The following CPNE5 variants were observed in gnomAD, a reference collection of about 807,000 sequenced individuals.
CPNE5 encodes the protein copine 5, also known as copine-5.
CPNE5 carries 42 observed loss-of-function variants against 81.1 expected under a neutral mutation model. That is an observed-to-expected ratio of 0.52 (90% confidence interval 0.40 to 0.67). CPNE5 has a LOEUF of 0.67. CPNE5 is among the 30% of genes least tolerant of loss of function. CPNE5 has a pLI of 0.00. For missense variants in CPNE5, 612 were observed against 815.5 expected (o/e 0.75, Z 3.04); for synonymous variants, 313 against 321.5 (o/e 0.97, Z 0.28).
At chr6:36,808,195 A>T (rs975327007) in intron 3 of CPNE5, among the ~76,000 whole-genome samples, 73 of 151,736 alleles carry the variant, frequency 4.8e-4, no homozygotes, top group African/African-American at 1.5e-3. Context: ...TGTTCAAGTG[A>T]TTCTCCCGCC....
At chr6:36,778,006 C>A (rs936961342) in intron 9 of CPNE5, among the ~76,000 whole-genome samples, 1 of 152,158 alleles carries the variant, frequency 6.6e-6, no homozygotes, top group East Asian at 1.9e-4. Flanking sequence ...ACCTCCCTGG[C>A]CCCATCGCTT....
upstream of CPNE5, chr6:36,839,467 C>T: frequency 9.1e-7 from 1 of 1,100,750 alleles, no homozygotes; most frequent in Non-Finnish European, 1.3e-6. The surrounding 1 kb of genome is among the most constrained non-coding windows in gnomAD (Gnocchi z 7.3). Flanking sequence ...TCTCCCCCAA[C>T]TCCAGAGCCT....
chr6:36,809,373 C>G (rs762791536), intron 3 of CPNE5, among the ~76,000 whole-genome samples: 4 of 151,940 alleles, frequency 2.6e-5, no homozygotes, highest in Non-Finnish European at 4.4e-5. Flanking sequence ...CCTAGGAGTT[C>G]GAGACCAACC....
intron 3 of CPNE5, among the ~76,000 whole-genome samples, chr6:36,801,706 T>C (rs1439641043): frequency 1.3e-5 from 2 of 152,136 alleles, no homozygotes; most frequent in Admixed American, 1.3e-4. Flanking sequence ...CCAGTCACAG[T>C]AGGACAAATA....
At chr6:36,829,965 CA>C (rs1319389405) in intron 1 of CPNE5, among the ~76,000 whole-genome samples, 1 of 151,522 alleles carries the variant, frequency 6.6e-6, no homozygotes, top group Non-Finnish European at 1.5e-5. Context: ...AAACATCTGG[CA>C]AATGGAGTGG....
chr6:36,742,212 C>T lies in CPNE5; in HGVS notation c.*56G>A, dbSNP rs888103042. On this transcript the variant is annotated 3_prime_UTR_variant, in exon 21 of 21. Coordinates refer to ENST00000244751, the MANE Select transcript of CPNE5 (RefSeq NM_020939.2). The stretch of plus-strand genomic sequence containing the variant: ...AACTTCGGGGAGTCTGGGGCCCTGG[C>T]CTCCCATTCACCTGGCCTCTCCCAG... 14 of 1,370,902 alleles carry T rather than the reference C, an allele frequency of 1.0e-5. No individual in the cohort carries two copies. The African/African-American group carries it at 1.9e-4, about 18-fold the overall frequency. 84.9% of individuals were successfully genotyped at this position (1,370,902 alleles called of 1,614,324 possible).
chr6:36,788,450 A>G (rs187998329), intron 8 of CPNE5, among the ~76,000 whole-genome samples: 1 of 152,148 alleles, frequency 6.6e-6, no homozygotes, highest in Non-Finnish European at 1.5e-5. Flanking sequence ...GGTGAGGGAA[A>G]GACTGAGGAT....
chr6:36,794,940 C>T (rs1769437013), intron 6 of CPNE5, among the ~76,000 whole-genome samples: 1 of 152,150 alleles, frequency 6.6e-6, no homozygotes, highest in Non-Finnish European at 1.5e-5. Flanking sequence ...GGATCAGGAA[C>T]TCTGCGGGGT....
chr6:36,785,645 T>G (rs1001886313), intron 8 of CPNE5, among the ~76,000 whole-genome samples: 8 of 152,050 alleles, frequency 5.3e-5, no homozygotes, highest in African/African-American at 1.9e-4. Flanking sequence ...AAGGCAGTAG[T>G]ATGGTTTGAG....
At chr6:36,748,971 C>G (rs2150368268) in intron 14 of CPNE5, among the ~76,000 whole-genome samples, 1 of 152,322 alleles carries the variant, frequency 6.6e-6, no homozygotes, top group South Asian at 2.1e-4. Flanking sequence ...AGGTCTCGCT[C>G]TGTCACCCAG....
In CPNE5 at chr6:36,741,921, G is replaced by A. The variant is rs564354854; in HGVS notation, c.*347C>T. Reference sequence around the variant, plus strand: ...GAGGAGGCCAAGCCCAGGCTTCAGGGTGACAGGTAAGCAAATAGGATTGCC... The same window carrying A: ...GAGGAGGCCAAGCCCAGGCTTCAGGATGACAGGTAAGCAAATAGGATTGCC... On this transcript the variant is annotated 3_prime_UTR_variant, in exon 21 of 21. Transcript: ENST00000244751. 3.1e-5 allele frequency: 8 copies of A among 259,602 alleles called. No homozygotes were observed. The highest frequency in any genetic ancestry group is 1.0e-4 in the Admixed American group (2 of 19,896). The allele number at this position is 259,602 out of a possible 1,614,324, so 16.1% of individuals were successfully genotyped here. A position where few individuals can be genotyped will look rare whatever the true frequency, so the allele number is the denominator to read the frequency against.
intron 11 of CPNE5, among the ~76,000 whole-genome samples, chr6:36,763,929 G>A (rs565589914): frequency 6.6e-6 from 1 of 152,310 alleles, no homozygotes; most frequent in East Asian, 1.9e-4. Context: ...CTTACATCAA[G>A]CACGGCCAAG....
At chr6:36,743,429 T>C (rs1199900477) in intron 20 of CPNE5, among the ~76,000 whole-genome samples, 1 of 152,196 alleles carries the variant, frequency 6.6e-6, no homozygotes, top group Non-Finnish European at 1.5e-5. Flanking sequence ...GAGGAAGGGC[T>C]GGCAGAGGGT....
At chr6:36,794,540 G>A in intron 7 of CPNE5, 50 bp downstream of exon 7, 1 of 1,559,402 alleles carries the variant, frequency 6.4e-7, no homozygotes, top group Non-Finnish European at 8.8e-7. Flanking sequence ...CCTTTGCAGA[G>A]CTGGCTGAAT....
intron 6 of CPNE5, among the ~76,000 whole-genome samples, chr6:36,797,071 A>AT (rs1309792507): frequency 1.3e-5 from 2 of 152,030 alleles, no homozygotes; most frequent in Non-Finnish European, 2.9e-5. Context: ...CACCCAGCTA[A>AT]TTTTTTTGTA....
In CPNE5 at chr6:36,798,143, G is replaced by A; in HGVS notation, c.404+22C>T. ...TGGGCGGGAAGTTGGCCTACCACTGGGAAAGCAACCCAGACACTCACGTGA... is the reference window on the plus strand; with the variant it reads ...TGGGCGGGAAGTTGGCCTACCACTGAGAAAGCAACCCAGACACTCACGTGA... On this transcript the variant is annotated intron_variant, in intron 6 of 20. Coordinates refer to ENST00000244751, the MANE Select transcript of CPNE5 (RefSeq NM_020939.2). 4 of 1,607,928 alleles carry A rather than the reference G, an allele frequency of 2.5e-6. No individual in the cohort carries two copies. The South Asian group carries it at 3.3e-5, about 13-fold the overall frequency.
At chr6:36,756,197 G>A in intron 13 of CPNE5, 48 bp downstream of exon 13, 2 of 1,558,382 alleles carry the variant, frequency 1.3e-6, no homozygotes, top group Non-Finnish European at 1.8e-6. Flanking sequence ...CCTAGCTTGG[G>A]GCTCAGAATG....
At position 36,839,404 on chromosome 6, in the gene CPNE5, T is replaced by C; in HGVS notation, c.-27A>G. The C allele has an allele frequency of 6.6e-7, 1 of 1,524,918 alleles. No homozygotes were observed. The highest frequency in any genetic ancestry group is 8.9e-7 in the Non-Finnish European group (1 of 1,129,062). The allele number at this position is 1,524,918 out of a possible 1,614,324, so 94.5% of individuals were successfully genotyped here. A position where few individuals can be genotyped will look rare whatever the true frequency, so the allele number is the denominator to read the frequency against. On this transcript the variant is annotated 5_prime_UTR_variant, in exon 1 of 21. Transcript: ENST00000244751. The surrounding 1 kb of genome is among the most constrained non-coding windows in gnomAD (Gnocchi z 7.3). ...GCCCACCGCACCCCCCACCCCAAATTAGTCAATCCCTGCGCGATTCACGCC... is the reference window on the plus strand; with the variant it reads ...GCCCACCGCACCCCCCACCCCAAATCAGTCAATCCCTGCGCGATTCACGCC...
chr6:36,775,679 C>T (rs1264832535), intron 9 of CPNE5, among the ~76,000 whole-genome samples: 2 of 152,198 alleles, frequency 1.3e-5, no homozygotes, highest in Non-Finnish European at 2.9e-5. Flanking sequence ...TCCTGCCTCT[C>T]ACATCCCCTA....
Sources: gnomAD v4.1 joint callset for allele counts (sites outside exome capture counted in the v4.1 genomes callset) on GRCh38, gnomAD v4.1.1 for gene constraint, Gnocchi (gnomAD v3.1) non-coding constraint, MANE v1.5 for transcripts, NCBI Gene and HGNC (gene_info 2026-07-23, HGNC 2026-07-21) for gene names.